The following CRTAP variants were observed in gnomAD, a reference collection of about 807,000 sequenced individuals.
CRTAP encodes cartilage-associated protein.
A neutral mutation model predicts 42.7 loss-of-function variants in CRTAP; 33 were observed. The ratio of observed to expected loss-of-function variants is 0.77; its 90% confidence interval spans 0.59 to 1.03. The LOEUF is 1.03. CRTAP is among the 50% of genes least tolerant of loss of function. CRTAP has a pLI of 0.00. For missense variants in CRTAP, 613 were observed against 533.9 expected, an observed-to-expected ratio of 1.15 and a Z score of -1.46; for synonymous variants, 243 against 217.7, an observed-to-expected ratio of 1.12 and a Z score of -1.02.
At chr3:33,132,172 G>C in intron 4 of CRTAP, among the ~76,000 whole-genome samples, 1 of 152,104 alleles carries the variant, frequency 6.6e-6, no homozygotes, top group Non-Finnish European at 1.5e-5. Flanking sequence ...CATCCAGATG[G>C]GATCCAGACA....
chr3:33,116,390 A>G (rs1326576377), intron 1 of CRTAP, among the ~76,000 whole-genome samples: 1 of 152,158 alleles, frequency 6.6e-6, no homozygotes, highest in Non-Finnish European at 1.5e-5. Flanking sequence ...ACACAGTTTC[A>G]CTTTGTCACC....
At chr3:33,137,069 C>CT (rs143950038) in intron 6 of CRTAP, among the ~76,000 whole-genome samples, 52,065 of 150,016 alleles carry the variant, frequency 0.35, 9,784 homozygotes, top group Middle Eastern at 0.47. Context: ...TTAATATTGT[C>CT]TTTTTTTTTT....
chr3:33,135,979 G>A (rs1475821654), intron 6 of CRTAP, among the ~76,000 whole-genome samples: 1 of 152,024 alleles, frequency 6.6e-6, no homozygotes, highest in Non-Finnish European at 1.5e-5. Context: ...TTTAACTTTA[G>A]AACATTTTTA....
chr3:33,120,622 A>G (rs1167154072), intron 2 of CRTAP, 129 bp downstream of exon 2: 1 of 1,373,668 alleles, frequency 7.3e-7, no homozygotes, highest in Non-Finnish European at 1.0e-6. Context: ...TATTATGACA[A>G]TAGAAATGAT....
chr3:33,141,202 A>G (rs187617073), intron 6 of CRTAP, among the ~76,000 whole-genome samples: 9 of 152,288 alleles, frequency 5.9e-5, no homozygotes, highest in Non-Finnish European at 1.2e-4. Flanking sequence ...TCGGGCACTT[A>G]TTACTAGTGA....
In CRTAP at chr3:33,143,843, A is replaced by G. The variant is rs1267430180; in HGVS notation, c.*1395A>G. 3.3e-5 allele frequency: 5 copies of G among 152,286 alleles called. No homozygotes were observed. The highest frequency in any genetic ancestry group is 1.2e-4 in the African/African-American group (5 of 41,434). The allele number at this position is 152,286 out of a possible 1,614,324, so 9.4% of individuals were successfully genotyped here. A position where few individuals can be genotyped will look rare whatever the true frequency, so the allele number is the denominator to read the frequency against. On this transcript the variant is annotated 3_prime_UTR_variant, in exon 7 of 7. Coordinates refer to ENST00000320954, the MANE Select transcript of CRTAP (RefSeq NM_006371.5). ...CTGCCCCAAAGTGAGAACTTGCTCT[A>G]CGTGGTCAGGAAAGAGCAGGGAGAC...
In CRTAP at chr3:33,144,833, C is replaced by T. The variant is rs1233179119; in HGVS notation, c.*2385C>T. ...AGCCAAAGGACTGAGAAGGAGTTAC[C>T]TTAAGGTCAGAGAAAACCAAGAGAG... On this transcript the variant is annotated 3_prime_UTR_variant, in exon 7 of 7. Coordinates refer to ENST00000320954, the MANE Select transcript of CRTAP (RefSeq NM_006371.5). The T allele has an allele frequency of 6.6e-6, 1 of 152,226 alleles. No homozygotes were observed. Among genetic ancestry groups the T allele is most frequent in the East Asian group, 1.9e-4 (1 of 5,194 alleles). The allele number at this position is 152,226 out of a possible 1,614,324, so 9.4% of individuals were successfully genotyped here. A position where few individuals can be genotyped will look rare whatever the true frequency, so the allele number is the denominator to read the frequency against.
At chr3:33,120,636 C>T in intron 2 of CRTAP, 143 bp downstream of exon 2, 1 of 1,286,148 alleles carries the variant, frequency 7.8e-7, no homozygotes. Context: ...AAATGATTGA[C>T]TTTTAGCACA....
intron 5 of CRTAP, 62 bp downstream of exon 5, chr3:33,132,762 G>A (rs1488632273): frequency 6.3e-6 from 10 of 1,590,644 alleles, no homozygotes; most frequent in African/African-American, 2.7e-5. Flanking sequence ...AGACTACCTC[G>A]TGCCTTAAGA....
At chr3:33,117,145 T>C (rs151285847) in intron 1 of CRTAP, among the ~76,000 whole-genome samples, 111 of 152,276 alleles carry the variant, frequency 7.3e-4, no homozygotes, top group African/African-American at 2.6e-3. Flanking sequence ...ACTCTGTTTA[T>C]GGATAGAGAG....
Position 33,143,171 on chromosome 3 carries a change from G to C in CRTAP, c.*723G>C, listed in dbSNP as rs1485204789. ...AAAACATTCCTAGAAGATGATAATT[G>C]TGAAAACCTCCTTTGGCTTATTTGC... On this transcript the variant is annotated 3_prime_UTR_variant, in exon 7 of 7. Transcript: ENST00000320954. 6.6e-6 allele frequency: 1 copy of C among 152,186 alleles called. No individual in the cohort carries two copies. The highest frequency in any genetic ancestry group is 1.5e-5 in the Non-Finnish European group (1 of 68,044). 9.4% of individuals were successfully genotyped at this position (152,186 alleles called of 1,614,324 possible). A position where few individuals can be genotyped will look rare whatever the true frequency, so the allele number is the denominator to read the frequency against.
Position 33,146,791 on chromosome 3 carries a change from A to G in CRTAP, c.*4343A>G, listed in dbSNP as rs561341576. ...GATTGTCAGTTGGAAGGGGTTTATT[A>G]TGACTGCTGGTGAAATAAACAGTGA... On this transcript the variant is annotated 3_prime_UTR_variant, in exon 7 of 7. Coordinates refer to ENST00000320954, the MANE Select transcript of CRTAP (RefSeq NM_006371.5). 3.9e-5 allele frequency: 6 copies of G among 152,440 alleles called. No homozygotes were observed. The East Asian group carries it at 9.6e-4, about 24-fold the overall frequency. The allele number at this position is 152,440 out of a possible 1,614,324, so 9.4% of individuals were successfully genotyped here.
chr3:33,114,438 C>T lies in CRTAP; in HGVS notation c.361C>T (p.Arg121Cys), dbSNP rs750500429. The T allele has an allele frequency of 7.6e-6, 12 of 1,570,642 alleles. No individual in the cohort carries two copies. The African/African-American group carries it at 1.4e-4, about 18-fold the overall frequency. The change falls in exon 1 of 7, where the codon CGC becomes TGC. Residue 121 changes from arginine to cysteine, a missense_variant. Physicochemically the swap from Arg to Cys is radical, Grantham distance 180 (BLOSUM62 -3). Coordinates refer to ENST00000320954, the MANE Select transcript of CRTAP (RefSeq NM_006371.5). ...GLLRRAHCLK[R>C]CKQGLPAFRQ... ...GCTGCGCCGCGCGCACTGCCTCAAGCGCTGCAAGCAGGGCCTGCCAGCCTT... is the reference window on the plus strand; with the variant it reads ...GCTGCGCCGCGCGCACTGCCTCAAGTGCTGCAAGCAGGGCCTGCCAGCCTT...
chr3:33,129,004 T>C (rs993691030), intron 3 of CRTAP, among the ~76,000 whole-genome samples: 1 of 152,264 alleles, frequency 6.6e-6, no homozygotes, highest in African/African-American at 2.4e-5. Flanking sequence ...CTTACTCTCT[T>C]TCAAAGGCTG....
intron 1 of CRTAP, among the ~76,000 whole-genome samples, chr3:33,117,031 C>T (rs535825296): frequency 6.6e-6 from 1 of 152,212 alleles, no homozygotes; most frequent in East Asian, 1.9e-4. Flanking sequence ...CACTTGAGCC[C>T]AGAAAGTCAA....
intron 6 of CRTAP, among the ~76,000 whole-genome samples, chr3:33,136,342 A>G (rs561043852): frequency 6.6e-6 from 1 of 152,224 alleles, no homozygotes; most frequent in African/African-American, 2.4e-5. Context: ...GCTATTTTGA[A>G]TAATGATGCT....
Position 33,142,526 on chromosome 3 carries a change from G to GT in CRTAP, c.*80dup. ...TGTCCTTTTCCCAACAGCCCAGGCT[G>GT]TTGATACCTCAGAGCCTTCTCTTTA... On this transcript the variant is annotated 3_prime_UTR_variant, in exon 7 of 7. Transcript: ENST00000320954. 7.3e-7 allele frequency: 1 copy of GT among 1,374,908 alleles called. No individual in the cohort carries two copies. The highest frequency in any genetic ancestry group is 1.0e-6 in the Non-Finnish European group (1 of 963,090). The allele number at this position is 1,374,908 out of a possible 1,614,324, so 85.2% of individuals were successfully genotyped here. A position where few individuals can be genotyped will look rare whatever the true frequency, so the allele number is the denominator to read the frequency against.
chr3:33,134,416 C>T (rs1296510569), intron 6 of CRTAP, 151 bp downstream of exon 6: 1 of 687,458 alleles, frequency 1.5e-6, no homozygotes, highest in African/African-American at 1.8e-5. Context: ...CAGTGACAGT[C>T]AGAATGCTGG....
chr3:33,124,601 T>G (rs767748781), intron 3 of CRTAP, 22 bp downstream of exon 3: 1 of 1,613,756 alleles, frequency 6.2e-7, no homozygotes, highest in Non-Finnish European at 8.5e-7. Flanking sequence ...GTCAATAGGC[T>G]CACTACTCCC....
Sources: gnomAD v4.1 joint callset for allele counts (sites outside exome capture counted in the v4.1 genomes callset) on GRCh38, gnomAD v4.1.1 for gene constraint, MANE v1.5 for transcripts, NCBI Gene and HGNC (gene_info 2026-07-23, HGNC 2026-07-21) for gene names.